HSP90AA1: variants seen among roughly 807,000 people sequenced by gnomAD.
HSP90AA1 encodes the protein heat shock protein 90 alpha family class A member 1.
A neutral mutation model predicts 73.3 loss-of-function variants in HSP90AA1; 18 were observed. The ratio of observed to expected loss-of-function variants is 0.25; its 90% CI spans 0.17 to 0.36. HSP90AA1 has a LOEUF of 0.36. HSP90AA1 is among the 10% of genes least tolerant of loss of function. The pLI, the probability that HSP90AA1 is intolerant of heterozygous loss-of-function variation, is 1.00. For synonymous variants in HSP90AA1, 477 were observed against 296.9 expected (o/e 1.61, Z -6.24); for missense variants, 704 against 874.2 (o/e 0.81, Z 2.45).
intron 1 of HSP90AA1, among the ~76,000 whole-genome samples, chr14:102,137,264 T>A (rs1173594532): frequency 6.6e-6 from 1 of 151,640 alleles, no homozygotes; most frequent in Non-Finnish European, 1.5e-5. Context: ...TTTTTTAAAT[T>A]CCCGGTTTGA....
chr14:102,090,154 G>A (rs569582509), upstream of HSP90AA1, among the ~76,000 whole-genome samples: 4 of 152,168 alleles, frequency 2.6e-5, no homozygotes, highest in South Asian at 4.1e-4. Context: ...CCCATGACTC[G>A]CCCCCACGAG....
chr14:102,100,191 A>G (rs1203668693), intron 2 of HSP90AA1, among the ~76,000 whole-genome samples: 2 of 152,178 alleles, frequency 1.3e-5, no homozygotes, highest in African/African-American at 4.8e-5. Flanking sequence ...CTGTCTCGAA[A>G]AAAAAAGAAC....
chr14:102,099,086 A>G lies in HSP90AA1; in HGVS notation c.366+2789T>C, dbSNP rs561304792. ...AACTGATGTGTCCCAGTCCCAATTA[A>G]TAAGTTGTGGCAAATCATAATGCTA... is the stretch of plus-strand genomic sequence containing the variant. On this transcript the variant is annotated intron_variant, in intron 2 of 11. Coordinates refer to the HSP90AA1 transcript ENST00000334701. Among the ~76,000 whole-genome samples the G allele has an allele frequency of 2.1e-4, 32 of 152,374 alleles. 2 individuals carry two copies. Among genetic ancestry groups the G allele is most frequent in the African/African-American group, 7.7e-4 (32 of 41,598 alleles).
intron 4 of HSP90AA1, 128 bp downstream of exon 4, chr14:102,085,170 G>T: frequency 7.0e-7 from 1 of 1,429,160 alleles, no homozygotes. Flanking sequence ...CTTTTACAGA[G>T]TTAGGTAGTA....
chr14:102,108,616 G>C (rs1205075945), intron 1 of HSP90AA1, among the ~76,000 whole-genome samples: 1 of 146,010 alleles, frequency 6.8e-6, no homozygotes, highest in Non-Finnish European at 1.5e-5. Flanking sequence ...GCTTACTGCA[G>C]CCTCAACCTC....
chr14:102,123,883 C>T (rs952826715), intron 1 of HSP90AA1, among the ~76,000 whole-genome samples: 6 of 151,998 alleles, frequency 3.9e-5, no homozygotes, highest in Non-Finnish European at 8.8e-5. Flanking sequence ...TTACTACAGC[C>T]TCAACCTCCT....
At chr14:102,112,614 G>T (rs1379103972) in intron 1 of HSP90AA1, among the ~76,000 whole-genome samples, 1 of 152,120 alleles carries the variant, frequency 6.6e-6, no homozygotes, top group Non-Finnish European at 1.5e-5. Context: ...GAGTAGCTGG[G>T]ACTGGAGGCA....
At chr14:102,123,407 C>CAAAAA (rs1219287562) in intron 1 of HSP90AA1, among the ~76,000 whole-genome samples, 1 of 151,904 alleles carries the variant, frequency 6.6e-6, no homozygotes, top group Non-Finnish European at 1.5e-5. Flanking sequence ...AGACAAAAAA[C>CAAAAA]AAAAACAAAA....
intron 10 of HSP90AA1, 134 bp from the exon 11 acceptor site, chr14:102,081,955 G>T (rs1455974201): frequency 7.8e-6 from 6 of 771,656 alleles, no homozygotes; most frequent in East Asian, 2.6e-5. Context: ...CTTTGCTCTT[G>T]TAAGACCTTA....
chr14:102,082,158 G>A lies in HSP90AA1; in HGVS notation c.2042C>T (p.Pro681Leu). 1.2e-6 allele frequency: 2 copies of A among 1,613,588 alleles called. No homozygotes were observed. Among genetic ancestry groups the A allele is most frequent in the Non-Finnish European group, 1.7e-6 (2 of 1,179,572 alleles). Residue 681 changes from proline (P) to leucine (L), a missense_variant, in exon 10 of 11, where the codon CCC becomes CTC. Transcript: ENST00000216281. ...GTAGATCCTGTTAGCATGTGTCTGG[G>A]GATCTTCCAGACTGAAGCCAGAAGA... Reference protein sequence around the residue: ...LLSSGFSLEDPQTHANRIYRM... With the variant: ...LLSSGFSLEDLQTHANRIYRM...
chr14:102,106,735 G>A (rs570157384), intron 1 of HSP90AA1, among the ~76,000 whole-genome samples: 44 of 151,788 alleles, frequency 2.9e-4, no homozygotes, highest in Non-Finnish European at 4.9e-4. Flanking sequence ...GTAAAGATGG[G>A]GTTTCCCCAT....
In HSP90AA1 at chr14:102,084,973, ACTT is replaced by A; in HGVS notation, c.686_688del (p.Glu229del). 6.2e-7 allele frequency: 1 copy of A among 1,611,768 alleles called. No homozygotes were observed. Among genetic ancestry groups the A allele is most frequent in the Non-Finnish European group, 8.5e-7 (1 of 1,178,174 alleles). The stretch of plus-strand genomic sequence containing the variant: ...CTTTTCTTCAGCCTCATCATCGCTT[ACTT>A]CTTTATCACGTTCCTTCTCCACCTT... On this transcript the variant is annotated inframe_deletion, in exon 5 of 11. Coordinates refer to ENST00000216281, the MANE Select transcript of HSP90AA1 (RefSeq NM_005348.4).
chr14:102,083,673 A>G lies in HSP90AA1; in HGVS notation c.1359T>C (p.Ser453=), dbSNP rs1374110571. Reference sequence around the variant, plus strand: ...GCTCTGAAAGCTTCTTCCGATTTTGAGAGTCTTCGTGTATTCCAAGCTGAA... The same window carrying G: ...GCTCTGAAAGCTTCTTCCGATTTTGGGAGTCTTCGTGTATTCCAAGCTGAA... The part of the protein sequence containing the change: ...KNIKLGIHED[S]QNRKKLSELL... The change falls in exon 8 of 11, where the codon TCT becomes TCC. Residue 453 remains serine, a synonymous_variant. Coordinates refer to ENST00000216281, the MANE Select transcript of HSP90AA1 (RefSeq NM_005348.4). 1 of 1,613,012 alleles carries G rather than the reference A, an allele frequency of 6.2e-7. No homozygotes were observed. The highest frequency in any genetic ancestry group is 8.5e-7 in the Non-Finnish European group (1 of 1,179,532).
intron 1 of HSP90AA1, among the ~76,000 whole-genome samples, chr14:102,108,396 C>A (rs2049597346): frequency 6.6e-6 from 1 of 150,710 alleles, no homozygotes; most frequent in South Asian, 2.1e-4. Flanking sequence ...GCTTTGAATT[C>A]TTTTTTTAAA....
chr14:102,107,321 T>C (rs2049581428), intron 1 of HSP90AA1, among the ~76,000 whole-genome samples: 1 of 151,876 alleles, frequency 6.6e-6, no homozygotes, highest in East Asian at 1.9e-4. Context: ...TTAGCCCGTT[T>C]TTTTTGGTTT....
At position 102,113,314 on chromosome 14, in the gene HSP90AA1, G is replaced by A. The variant is rs150098901; in HGVS notation, c.156-11229C>T. On this transcript the variant is annotated intron_variant, in intron 1 of 11. Coordinates refer to the HSP90AA1 transcript ENST00000334701. ...ACTGGGATTACAGGTGTGAGCCACC[G>A]CGCCCGGCTTGCTTGCTTGCTTGCT... Among the ~76,000 whole-genome samples the A allele has an allele frequency of 4.6e-3, 699 of 151,818 alleles. 6 individuals carry two copies. The highest frequency in any genetic ancestry group is 0.016 in the African/African-American group (646 of 41,376).
chr14:102,090,120 C>G (rs566550679), upstream of HSP90AA1, among the ~76,000 whole-genome samples: 1 of 152,252 alleles, frequency 6.6e-6, no homozygotes, highest in Non-Finnish European at 1.5e-5. Context: ...CCACTGTGCT[C>G]CTATTTCTGT....
At chr14:102,088,612 G>A (rs933153675), upstream of HSP90AA1, among the ~76,000 whole-genome samples, 1 of 152,216 alleles carries the variant, frequency 6.6e-6, no homozygotes, top group Non-Finnish European at 1.5e-5. Context: ...TCCTGTGGTA[G>A]CTGTTGCGCA....
intron 1 of HSP90AA1, among the ~76,000 whole-genome samples, chr14:102,129,551 A>C (rs965704699): frequency 4.1e-5 from 6 of 147,140 alleles, no homozygotes; most frequent in Admixed American, 6.8e-5. Flanking sequence ...CGCCCAGCCT[A>C]AAGTGCAGTG....
Sources: gnomAD v4.1 joint callset for allele counts (sites outside exome capture counted in the v4.1 genomes callset) on GRCh38, gnomAD v4.1.1 for gene constraint, MANE v1.5 for transcripts, NCBI Gene and HGNC (gene_info 2026-07-23, HGNC 2026-07-21) for gene names.